The following ATP11A variants were observed in gnomAD, a reference collection of about 807,000 sequenced individuals.
The protein encoded by ATP11A is phospholipid-transporting ATPase IH.
In ATP11A, 81 loss-of-function variants were observed where a neutral mutation model predicts 154.4. The ratio of observed to expected loss-of-function variants is 0.52; its 90% CI spans 0.44 to 0.63. ATP11A has a LOEUF of 0.63. ATP11A is among the 30% of genes least tolerant of loss of function. The probability of loss-of-function intolerance (pLI) is 0.00; values close to 1 mark genes in which losing one functional copy is unlikely to be tolerated. For synonymous variants in ATP11A, 623 were observed against 585.9 expected, an observed-to-expected ratio of 1.06 and a Z score of -0.91; for missense variants, 1,316 against 1,474.3, an observed-to-expected ratio of 0.89 and a Z score of 1.76.
At position 112,697,854 on chromosome 13, in the gene ATP11A, A is replaced by G. The variant is rs1368078848; in HGVS notation, c.39+7399A>G. The stretch of plus-strand genomic sequence containing the variant: ...TTCCCAAAGTGCTGGGATTGCAGGT[A>G]TGTGCCACCACGCCCAGCCCTGAAA... On this transcript the variant is annotated intron_variant, in intron 1 of 29. Coordinates refer to ENST00000375645, the MANE Select transcript of ATP11A (RefSeq NM_015205.3). The surrounding 1 kb of genome is among the most constrained non-coding windows in gnomAD (Gnocchi z 4.0). Among the ~76,000 whole-genome samples, 2 of 151,664 alleles carry G rather than the reference A, an allele frequency of 1.3e-5. No homozygotes were observed. The highest frequency in any genetic ancestry group is 2.9e-5 in the Non-Finnish European group (2 of 67,992).
chr13:112,760,328 C>T (rs1594582780), intron 1 of ATP11A, among the ~76,000 whole-genome samples: 1 of 152,178 alleles, frequency 6.6e-6, no homozygotes, highest in Non-Finnish European at 1.5e-5. Flanking sequence ...GTGTATAGGG[C>T]CCCCGCCGAG....
In ATP11A at chr13:112,848,919, C is replaced by T. The variant is rs551875318; in HGVS notation, c.1810-2118C>T. ...GCCAGTCTGGTCTTGAATTCCTGAC[C>T]TCAGGTGATCTGCCCACCTCAGCCT... On this transcript the variant is annotated intron_variant, in intron 17 of 29. Coordinates refer to ENST00000375645, the MANE Select transcript of ATP11A (RefSeq NM_015205.3). Among the ~76,000 whole-genome samples the T allele has an allele frequency of 1.4e-3, 218 of 152,316 alleles. 2 individuals carry two copies. Among genetic ancestry groups the T allele is most frequent in the Non-Finnish European group, 2.4e-3 (160 of 68,028 alleles).
In ATP11A at chr13:112,882,457, G is replaced by A. The variant is rs531992133; in HGVS notation, c.*591G>A. 6.6e-6 allele frequency: 3 copies of A among 454,824 alleles called. No individual in the cohort carries two copies. Among genetic ancestry groups the A allele is most frequent in the African/African-American group, 2.0e-5 (1 of 51,136 alleles). 28.2% of individuals were successfully genotyped at this position (454,824 alleles called of 1,614,324 possible). On this transcript the variant is annotated 3_prime_UTR_variant, in exon 30 of 30. Coordinates refer to ENST00000375645, the MANE Select transcript of ATP11A (RefSeq NM_015205.3). The surrounding 1 kb of genome is among the most constrained non-coding windows in gnomAD (Gnocchi z 5.1). The stretch of plus-strand genomic sequence containing the variant: ...GGGTGAGGTGGAGCCATGGTGGTGC[G>A]TCCTTTACTCAACAACCCTCCAATC...
chr13:112,772,999 C>A (rs368789461), intron 1 of ATP11A, among the ~76,000 whole-genome samples: 1 of 152,296 alleles, frequency 6.6e-6, no homozygotes, highest in Middle Eastern at 3.4e-3. Context: ...GCCCAAGAAC[C>A]CTGAGTGTGT....
intron 1 of ATP11A, among the ~76,000 whole-genome samples, chr13:112,711,592 AGGGCTCTGGACT>A (rs925065051): frequency 2.0e-5 from 3 of 151,224 alleles, no homozygotes; most frequent in Non-Finnish European, 4.4e-5. Context: ...GAGTCAGGTC[AGGGCTCTGGACT>A]GGGAGGGGCA....
At chr13:112,836,375 A>T in intron 16 of ATP11A, 124 bp downstream of exon 16, 1 of 560,378 alleles carries the variant, frequency 1.8e-6, no homozygotes, top group South Asian at 3.1e-5. Context: ...TTTTTTTAAA[A>T]ACTATAGACA....
intron 1 of ATP11A, among the ~76,000 whole-genome samples, chr13:112,729,187 C>T (rs141457902): frequency 5.3e-4 from 81 of 152,258 alleles, no homozygotes; most frequent in Non-Finnish European, 9.8e-4. Context: ...TGCTCCTGGA[C>T]GCAGGACTCT....
intron 25 of ATP11A, among the ~76,000 whole-genome samples, chr13:112,870,297 A>G (rs1281447402): frequency 1.3e-5 from 2 of 152,166 alleles, no homozygotes; most frequent in Non-Finnish European, 2.9e-5. Flanking sequence ...ACTGTAGCCC[A>G]CACCCTCCCT....
chr13:112,781,294 C>T (rs1235627283), intron 1 of ATP11A, among the ~76,000 whole-genome samples: 1 of 152,062 alleles, frequency 6.6e-6, no homozygotes, highest in Non-Finnish European at 1.5e-5. Flanking sequence ...CCTGCCTTCG[C>T]CTCCCAAAGT....
intron 25 of ATP11A, 55 bp downstream of exon 25, chr13:112,862,630 A>G: frequency 1.2e-6 from 2 of 1,609,432 alleles, no homozygotes. Context: ...AAGCCTCCCA[A>G]GCCCATATGA....
chr13:112,808,488 T>G (rs1042177722), intron 4 of ATP11A, among the ~76,000 whole-genome samples: 3 of 55,016 alleles, frequency 5.5e-5, no homozygotes, highest in Non-Finnish European at 1.2e-4. Flanking sequence ...CCCCTCGACC[T>G]TCCCCCACTA....
chr13:112,787,060 C>CGGGTGTCCTGATGCGTAGACG (rs2077652149), intron 2 of ATP11A, among the ~76,000 whole-genome samples: 3 of 108,334 alleles, frequency 2.8e-5, no homozygotes, highest in Non-Finnish European at 6.5e-5. Context: ...TAATTCACAC[C>CGGGTGTCCTGATGCGTAGACG]GGGTGTCCTG....
At chr13:112,854,657 TA>T (rs1378595064) in intron 19 of ATP11A, 127 bp downstream of exon 19, 2 of 1,128,082 alleles carry the variant, frequency 1.8e-6, no homozygotes, top group Non-Finnish European at 2.5e-6. Flanking sequence ...CCTGGGGCAT[TA>T]ATGCCAGCTT....
At chr13:112,774,606 C>T (rs1250822878) in intron 1 of ATP11A, among the ~76,000 whole-genome samples, 1 of 152,242 alleles carries the variant, frequency 6.6e-6, no homozygotes, top group Non-Finnish European at 1.5e-5. Flanking sequence ...CAAGGTAAAG[C>T]AGCCCTGAAA....
At chr13:112,881,161 A>G (rs2080873006) in intron 29 of ATP11A, 1 of 988,304 alleles carries the variant, frequency 1.0e-6, no homozygotes. Flanking sequence ...CCCCTGGTCT[A>G]AAAGTGGGCT....
At position 112,718,734 on chromosome 13, in the gene ATP11A, G is replaced by A. The variant is rs112880447; in HGVS notation, c.39+28279G>A. On this transcript the variant is annotated intron_variant, in intron 1 of 29. Transcript: ENST00000375645. ...CACCCAGGCTGGAGGGCAATAGCAC[G>A]ATCTTGGCTCACTGCAACCTCCGCC... 1.8e-3 allele frequency among the ~76,000 whole-genome samples: 275 copies of A among 149,338 alleles called. 1 individual carries two copies. The Middle Eastern group carries it at 0.021, about 11-fold the overall frequency.
chr13:112,815,128 G>C (rs1333872065), intron 5 of ATP11A, among the ~76,000 whole-genome samples: 2 of 152,184 alleles, frequency 1.3e-5, no homozygotes, highest in Non-Finnish European at 2.9e-5. Context: ...TCTGATGATC[G>C]TTTCCCCTTC....
In ATP11A at chr13:112,838,694, A is replaced by G. The variant is rs2079308458; in HGVS notation, c.1705+2443A>G. On this transcript the variant is annotated intron_variant, in intron 16 of 29. Transcript: ENST00000375645. This position sits in a 1 kb window ranked among gnomAD's most constrained non-coding sequence, Gnocchi z 7.3. ...AATCCGGGTTGGAGGCATTTGTGCC[A>G]TGAGAATATCCCTATCCGCACTGGG... Among the ~76,000 whole-genome samples the G allele has an allele frequency of 6.6e-6, 1 of 152,236 alleles. No individual in the cohort carries two copies. Among genetic ancestry groups the G allele is most frequent in the African/African-American group, 2.4e-5 (1 of 41,472 alleles).
chr13:112,871,281 G>A (rs1392223353), intron 25 of ATP11A, among the ~76,000 whole-genome samples: 1 of 152,230 alleles, frequency 6.6e-6, no homozygotes, highest in Non-Finnish European at 1.5e-5. Context: ...ATGTAGCTGG[G>A]TACTCAGGCA....
Sources: gnomAD v4.1 joint callset for allele counts (sites outside exome capture counted in the v4.1 genomes callset) on GRCh38, gnomAD v4.1.1 for gene constraint, Gnocchi (gnomAD v3.1) non-coding constraint, MANE v1.5 for transcripts, NCBI Gene and HGNC (gene_info 2026-07-23, HGNC 2026-07-21) for gene names.